FAM178B: variants seen among roughly 807,000 people sequenced by gnomAD.
FAM178B encodes the protein protein FAM178B.
FAM178B carries 82 observed loss-of-function variants against 91.7 expected under a neutral mutation model. That is an observed-to-expected ratio of 0.89 (90% CI 0.75 to 1.07). The LOEUF is 1.07. Ranked by LOEUF, FAM178B falls within the 50% of genes least tolerant of loss-of-function variation. FAM178B has a pLI of 0.00. For synonymous variants in FAM178B, 368 were observed against 359.4 expected (o/e 1.02, Z -0.27); for missense variants, 769 against 846.7 (o/e 0.91, Z 1.14).
At chr2:96,974,138 T>C (rs1223454486) in intron 1 of FAM178B, among the ~76,000 whole-genome samples, 1 of 151,802 alleles carries the variant, frequency 6.6e-6, no homozygotes, top group Non-Finnish European at 1.5e-5. Flanking sequence ...ATCCCAGCAC[T>C]TTGGGAGGCT....
At position 96,917,099 on chromosome 2, in the gene FAM178B, G is replaced by A. The variant is rs540899040; in HGVS notation, c.1562+4066C>T. ...TGAAGAGCAAAGAAGGTGCGGAAAC[G>A]GCGGGTACGTGCACACGCAGACAGA... is the stretch of plus-strand genomic sequence containing the variant. On this transcript the variant is annotated intron_variant, in intron 12 of 16. Coordinates refer to ENST00000490605, the MANE Select transcript of FAM178B (RefSeq NM_001122646.3). Among the ~76,000 whole-genome samples, 5 of 152,288 alleles carry A rather than the reference G, an allele frequency of 3.3e-5. No homozygotes were observed. In the South Asian group the frequency reaches 1.0e-3, roughly 32 times the overall value.
intron 14 of FAM178B, among the ~76,000 whole-genome samples, chr2:96,881,353 C>A (rs1310166342): frequency 6.6e-6 from 1 of 151,534 alleles, no homozygotes; most frequent in Admixed American, 6.6e-5. Context: ...CAGGGGATGC[C>A]GAAGAAAACA....
chr2:96,915,579 A>T (rs2081227957), intron 12 of FAM178B, among the ~76,000 whole-genome samples: 1 of 151,490 alleles, frequency 6.6e-6, no homozygotes, highest in South Asian at 2.1e-4. Flanking sequence ...GCACTTTGGG[A>T]GGGCGAGGCG....
intron 1 of FAM178B, chr2:96,977,799 G>A (rs1388276681): frequency 2.2e-6 from 1 of 456,588 alleles, no homozygotes; most frequent in South Asian, 1.5e-5. Context: ...AGCCCACTAA[G>A]TTTAGGACGC....
chr2:96,898,015 T>C (rs2080856232), intron 13 of FAM178B: 2 of 985,536 alleles, frequency 2.0e-6, no homozygotes, highest in Non-Finnish European at 2.4e-6. Flanking sequence ...TTGTGGGAGA[T>C]ACAGAGCCCA....
chr2:96,947,526 C>G (rs1255715582), intron 8 of FAM178B, among the ~76,000 whole-genome samples: 1 of 152,224 alleles, frequency 6.6e-6, no homozygotes, highest in Non-Finnish European at 1.5e-5. Flanking sequence ...GAGACTGTCT[C>G]AGTCTGAACC....
chr2:96,883,370 C>T (rs534119218), intron 14 of FAM178B, among the ~76,000 whole-genome samples: 1 of 152,196 alleles, frequency 6.6e-6, no homozygotes, highest in Non-Finnish European at 1.5e-5. Context: ...GGGCTATTTA[C>T]GCTGAAGGGG....
intron 14 of FAM178B, among the ~76,000 whole-genome samples, chr2:96,880,143 G>A (rs2153367194): frequency 6.6e-6 from 1 of 152,358 alleles, no homozygotes; most frequent in South Asian, 2.1e-4. Context: ...AAAGGAGAAA[G>A]GGCCCTTCCA....
chr2:96,948,414 C>A (rs1246898579), intron 7 of FAM178B, among the ~76,000 whole-genome samples: 1 of 152,228 alleles, frequency 6.6e-6, no homozygotes, highest in Admixed American at 6.5e-5. Flanking sequence ...TGGTACTGAA[C>A]ACAGGTCCTC....
At chr2:96,880,404 G>A (rs941314837) in intron 14 of FAM178B, among the ~76,000 whole-genome samples, 5 of 152,128 alleles carry the variant, frequency 3.3e-5, no homozygotes, top group African/African-American at 1.2e-4. Context: ...GAACAGGCTG[G>A]GGGTGCCTGG....
chr2:96,899,581 A>G (rs1280496807), intron 13 of FAM178B, among the ~76,000 whole-genome samples: 3 of 151,968 alleles, frequency 2.0e-5, no homozygotes, highest in African/African-American at 4.8e-5. Flanking sequence ...AAAAGAAAAA[A>G]AAAAGCGGGT....
chr2:96,911,553 G>T (rs1423884011), intron 12 of FAM178B, among the ~76,000 whole-genome samples: 1 of 152,230 alleles, frequency 6.6e-6, no homozygotes, highest in Non-Finnish European at 1.5e-5. Flanking sequence ...GAGGGGGAAA[G>T]TCTGAAAGAT....
chr2:96,927,913 G>A (rs1011668611), intron 9 of FAM178B, among the ~76,000 whole-genome samples: 2 of 152,174 alleles, frequency 1.3e-5, no homozygotes, highest in African/African-American at 2.4e-5. Context: ...TCTCTCCCCC[G>A]CTCATCCAAG....
At chr2:96,951,640 G>C in intron 6 of FAM178B, 156 bp from the exon 7 acceptor site, 1 of 622,900 alleles carries the variant, frequency 1.6e-6, no homozygotes. Context: ...CTCAGTGCAT[G>C]ATCTGTCAGA....
chr2:96,881,291 A>G (rs1008692718), intron 14 of FAM178B, among the ~76,000 whole-genome samples: 4 of 147,180 alleles, frequency 2.7e-5, no homozygotes, highest in Non-Finnish European at 6.0e-5. Context: ...AAAAAAAAAA[A>G]GGAAGAAGCT....
intron 13 of FAM178B, among the ~76,000 whole-genome samples, chr2:96,897,513 C>T (rs2080846272): frequency 1.3e-5 from 2 of 152,206 alleles, no homozygotes; most frequent in Admixed American, 6.5e-5. Context: ...ATTTCCTCCC[C>T]AAACCTGCTC....
intron 13 of FAM178B, 22 bp downstream of exon 13, chr2:96,902,598 C>A: frequency 6.6e-7 from 1 of 1,523,114 alleles, no homozygotes; most frequent in Non-Finnish European, 8.9e-7. Context: ...CCTTCCTGCC[C>A]AGGCCTGAAG....
rs1248416689 is a variant in FAM178B, at chr2:96,976,220, A to AACT, written c.74-3615_74-3614insAGT. On this transcript the variant is annotated intron_variant, in intron 1 of 16. Coordinates refer to ENST00000490605, the MANE Select transcript of FAM178B (RefSeq NM_001122646.3). ...AGCGATTCTCCTGCCTCAGCCTCCG[A>AACT]GTAGCTGGGACTACAGGTGCGTGCC... Among the ~76,000 whole-genome samples, 21 of 151,648 alleles carry AACT rather than the reference A, an allele frequency of 1.4e-4. 1 individual carries two copies. Among genetic ancestry groups the AACT allele is most frequent in the Non-Finnish European group, 2.1e-4 (14 of 67,980 alleles).
intron 16 of FAM178B, among the ~76,000 whole-genome samples, chr2:96,877,357 C>T (rs540451530): frequency 2.6e-5 from 4 of 151,992 alleles, no homozygotes; most frequent in African/African-American, 9.6e-5. Context: ...CTGAGGACTG[C>T]GCTTCTCTGT....
Sources: gnomAD v4.1 joint callset for allele counts (sites outside exome capture counted in the v4.1 genomes callset) on GRCh38, gnomAD v4.1.1 for gene constraint, MANE v1.5 for transcripts, NCBI Gene and HGNC (gene_info 2026-07-23, HGNC 2026-07-21) for gene names.